The following MYO5C variants were observed in gnomAD, a reference collection of about 807,000 sequenced individuals.
MYO5C encodes the protein myosin VC.
In MYO5C, 194 loss-of-function variants were observed where a neutral mutation model predicts 235.7. That is an observed-to-expected ratio of 0.82 (90% confidence interval 0.73 to 0.93). The LOEUF (loss-of-function observed/expected upper bound fraction) is 0.93, where lower values mean the gene tolerates loss of function less well. MYO5C is among the 40% of genes least tolerant of loss of function. The pLI, the probability that MYO5C is intolerant of heterozygous loss-of-function variation, is 0.00. For synonymous variants in MYO5C, 707 were observed against 754.8 expected (o/e 0.94, Z 1.04); for missense variants, 2,038 against 2,127.2 (o/e 0.96, Z 0.82).
chr15:52,270,668 A>G lies in MYO5C; in HGVS notation c.833-808T>C, dbSNP rs1393184901. 3.3e-5 allele frequency among the ~76,000 whole-genome samples: 5 copies of G among 151,010 alleles called. No individual in the cohort carries two copies. The East Asian group carries it at 9.7e-4, about 29-fold the overall frequency. On this transcript the variant is annotated intron_variant, in intron 7 of 40. Transcript: ENST00000261839. The stretch of plus-strand genomic sequence containing the variant: ...TATATACACACATTTATATATGTAT[A>G]TATATGTATGTATGTATACACATGT...
rs371743125 is a variant in MYO5C, at chr15:52,208,582, T to C, written c.4358A>G (p.Asn1453Ser). ...FWLSNTCHFL[N>S]CLKQYSGEEE... ...TTCTCCGCTGTACTGCTTCAGGCAATTGAGAAAATGACAAGTGTTGGAAAG... is the reference window on the plus strand; with the variant it reads ...TTCTCCGCTGTACTGCTTCAGGCAACTGAGAAAATGACAAGTGTTGGAAAG... The change falls in exon 36 of 41, where the codon AAT (asparagine) becomes AGT (serine). Residue 1453 changes from asparagine (N) to serine (S), a missense_variant. By Grantham distance (46) the Asn-to-Ser change is conservative. Transcript: ENST00000261839. 20 of 1,614,010 alleles carry C rather than the reference T, an allele frequency of 1.2e-5. No homozygotes were observed. The African/African-American group carries it at 2.7e-4, about 22-fold the overall frequency.
intron 9 of MYO5C, among the ~76,000 whole-genome samples, chr15:52,261,721 C>T (rs2036700514): frequency 1.3e-5 from 2 of 152,214 alleles, no homozygotes; most frequent in Non-Finnish European, 2.9e-5. Context: ...CAAGCCAGGG[C>T]ATGAGAGCTG....
rs143424118 is a variant in MYO5C, at chr15:52,277,212, C to A, written c.450-1494G>T. The A allele has an allele frequency of 1.4e-4, 73 of 530,880 alleles. No homozygotes were observed. In the East Asian group the frequency reaches 2.9e-3, roughly 21 times the overall value. The allele number at this position is 530,880 out of a possible 1,614,324, so 32.9% of individuals were successfully genotyped here. On this transcript the variant is annotated intron_variant, in intron 4 of 40. Coordinates refer to ENST00000261839, the MANE Select transcript of MYO5C (RefSeq NM_018728.4). ...GGGACACTACCTGTCTAGCATCAAA[C>A]AAGGCCAACACGAGCCTGCTTTGGG... is the stretch of plus-strand genomic sequence containing the variant.
chr15:52,221,268 A>C lies in MYO5C; in HGVS notation c.3628-13T>G, dbSNP rs2035678330. Reference sequence around the variant, plus strand: ...AGTCTGGGATCATCTTTAGAGAAGAATTAGAAATATTAGAATATAAAATAC... The same window carrying C: ...AGTCTGGGATCATCTTTAGAGAAGACTTAGAAATATTAGAATATAAAATAC... On this transcript the variant is annotated splice_polypyrimidine_tract_variant and intron_variant, in intron 29 of 40. Transcript: ENST00000261839. 2 of 1,512,500 alleles carry C rather than the reference A, an allele frequency of 1.3e-6. No homozygotes were observed. The highest frequency in any genetic ancestry group is 1.8e-6 in the Non-Finnish European group (2 of 1,103,986). 93.7% of individuals were successfully genotyped at this position (1,512,500 alleles called of 1,614,324 possible).
chr15:52,241,880 G>C (rs1795091617), intron 20 of MYO5C, among the ~76,000 whole-genome samples, 168 bp downstream of exon 20: 1 of 152,116 alleles, frequency 6.6e-6, no homozygotes, highest in African/African-American at 2.4e-5. Flanking sequence ...TGAGTAGTTG[G>C]GACTACAGGC....
chr15:52,196,278 A>C, intron 39 of MYO5C, 31 bp downstream of exon 39: 1 of 1,561,028 alleles, frequency 6.4e-7, no homozygotes, highest in Non-Finnish European at 8.6e-7. Flanking sequence ...GTCAGGGAAG[A>C]GCCAGGGAGA....
intron 20 of MYO5C, 29 bp downstream of exon 20, chr15:52,242,011 TACACCCTC>T: frequency 6.3e-7 from 1 of 1,577,034 alleles, no homozygotes; most frequent in Non-Finnish European, 8.6e-7. Flanking sequence ...GGAAGGCCCG[TACACCCTC>T]CCTTCCTCTA....
At chr15:52,265,809 G>A (rs1055125863) in intron 8 of MYO5C, among the ~76,000 whole-genome samples, 2 of 152,094 alleles carry the variant, frequency 1.3e-5, no homozygotes, top group African/African-American at 4.8e-5. Context: ...GCGATTATAG[G>A]AATGAGCCAC....
intron 2 of MYO5C, among the ~76,000 whole-genome samples, chr15:52,281,758 T>A (rs1477483172): frequency 7.2e-5 from 11 of 152,246 alleles, no homozygotes; most frequent in African/African-American, 2.2e-4. Context: ...TTAACCGCTG[T>A]GTTCATCTGC....
At chr15:52,215,494 C>T (rs1193087902) in intron 32 of MYO5C, among the ~76,000 whole-genome samples, 1 of 152,214 alleles carries the variant, frequency 6.6e-6, no homozygotes, top group Non-Finnish European at 1.5e-5. Context: ...CCTCTAGGGA[C>T]TCTTGGGGCC....
chr15:52,200,143 G>C (rs1394996499), intron 38 of MYO5C, among the ~76,000 whole-genome samples: 1 of 152,120 alleles, frequency 6.6e-6, no homozygotes, highest in Admixed American at 6.5e-5. Flanking sequence ...GACCCAAAGA[G>C]CACCACAAAA....
chr15:52,247,622 CA>C (rs1241208006), intron 14 of MYO5C, 30 bp from the exon 15 acceptor site: 9 of 1,610,986 alleles, frequency 5.6e-6, no homozygotes, highest in Non-Finnish European at 7.6e-6. Context: ...TCTCAATGTC[CA>C]AAAGCAACTG....
chr15:52,209,643 C>T (rs1042255771), intron 35 of MYO5C, among the ~76,000 whole-genome samples: 1 of 152,138 alleles, frequency 6.6e-6, no homozygotes, highest in Admixed American at 6.5e-5. Context: ...CGAAACATTC[C>T]AGAGCATCAA....
intron 11 of MYO5C, among the ~76,000 whole-genome samples, chr15:52,254,131 T>C (rs562777448): frequency 6.6e-6 from 1 of 152,210 alleles, no homozygotes; most frequent in East Asian, 1.9e-4. Context: ...AGCAATGTGG[T>C]GGCAAAGAAT....
At chr15:52,274,117 A>T (rs118097672) in intron 5 of MYO5C, among the ~76,000 whole-genome samples, 2 of 152,266 alleles carry the variant, frequency 1.3e-5, no homozygotes, top group East Asian at 3.9e-4. Context: ...CTGCCTGCCA[A>T]CATGTCTTTA....
chr15:52,208,600 T>C lies in MYO5C; in HGVS notation c.4340A>G (p.Asn1447Ser). 1 of 1,614,172 alleles carries C rather than the reference T, an allele frequency of 6.2e-7. No individual in the cohort carries two copies. Among genetic ancestry groups the C allele is most frequent in the Non-Finnish European group, 8.5e-7 (1 of 1,180,004 alleles). ...DFEMLSFWLS[N>S]TCHFLNCLKQ... ...CAGGCAATTGAGAAAATGACAAGTG[T>C]TGGAAAGCCAAAAGGACAGCATTTC... Residue 1447 changes from asparagine to serine, a missense_variant, in exon 36 of 41, where the codon AAC (asparagine) becomes AGC (serine). Coordinates refer to ENST00000261839, the MANE Select transcript of MYO5C (RefSeq NM_018728.4).
rs775018832 is a variant in MYO5C at position 52,256,675 on chromosome 15, A to C, written c.1359T>G (p.Asn453Lys). 6.2e-7 allele frequency: 1 copy of C among 1,609,514 alleles called. No homozygotes were observed. Among genetic ancestry groups the C allele is most frequent in the Non-Finnish European group, 8.5e-7 (1 of 1,178,730 alleles). The part of the protein sequence containing the change: ...DVNSFEQFCI[N>K]YANEKLQQQF... ...GTTGTTGCAGTTTTTCATTAGCGTA[A>C]TTGATGCAAAATTGTTCAAAGCTGT... Residue 453 changes from asparagine (N) to lysine (K), a missense_variant, in exon 11 of 41, where the codon AAT (asparagine) becomes AAG (lysine). By Grantham distance (94) the Asn-to-Lys change is moderately conservative. Coordinates refer to ENST00000261839, the MANE Select transcript of MYO5C (RefSeq NM_018728.4).
Position 52,295,691 on chromosome 15 carries a change from C to A in MYO5C, c.-55G>T. 1 of 1,260,396 alleles carries A rather than the reference C, an allele frequency of 7.9e-7. No individual in the cohort carries two copies. The highest frequency in any genetic ancestry group is 1.0e-6 in the Non-Finnish European group (1 of 966,258). The allele number at this position is 1,260,396 out of a possible 1,614,324, so 78.1% of individuals were successfully genotyped here. On this transcript the variant is annotated 5_prime_UTR_variant, in exon 1 of 41. Transcript: ENST00000261839. ...CTGCCGAACGTGCGAGGCTCGGGGG[C>A]TGGGCCTGCGCCGCAGAGGCCGGGC...
chr15:52,277,070 A>G (rs1402825233), intron 4 of MYO5C: 2 of 471,278 alleles, frequency 4.2e-6, no homozygotes, highest in Non-Finnish European at 8.8e-6. Context: ...GCCCCGGTCC[A>G]ATATTTTCAT....
Sources: gnomAD v4.1 joint callset for allele counts (sites outside exome capture counted in the v4.1 genomes callset) on GRCh38, gnomAD v4.1.1 for gene constraint, MANE v1.5 for transcripts, NCBI Gene and HGNC (gene_info 2026-07-23, HGNC 2026-07-21) for gene names.